The following PDZRN4 variants were observed in gnomAD, a reference collection of about 807,000 sequenced individuals.
PDZRN4 encodes PDZ domain containing ring finger 4.
A neutral mutation model predicts 99.0 loss-of-function variants in PDZRN4; 70 were observed. The ratio of observed to expected loss-of-function variants is 0.71; its 90% CI spans 0.58 to 0.86. The LOEUF is 0.86. Ranked by LOEUF, PDZRN4 falls within the 40% of genes least tolerant of loss-of-function variation. The probability of loss-of-function intolerance (pLI) is 0.00; values close to 1 mark genes in which losing one functional copy is unlikely to be tolerated. For synonymous variants in PDZRN4, 551 were observed against 501.6 expected (o/e 1.10, Z -1.32); for missense variants, 1,474 against 1,331.2 (o/e 1.11, Z -1.67).
intron 3 of PDZRN4, among the ~76,000 whole-genome samples, chr12:41,214,182 G>T (rs1454634512): frequency 2.0e-5 from 3 of 147,352 alleles, no homozygotes; most frequent in Non-Finnish European, 4.5e-5. Context: ...ACTTTGGAAG[G>T]CCAAAGCAGA....
At chr12:41,254,948 G>A (rs181729205) in intron 3 of PDZRN4, among the ~76,000 whole-genome samples, 1 of 152,252 alleles carries the variant, frequency 6.6e-6, no homozygotes, top group East Asian at 1.9e-4. Context: ...AAAAAAATTA[G>A]CCAGGCATGC....
intron 3 of PDZRN4, among the ~76,000 whole-genome samples, chr12:41,285,890 AACTT>A (rs1469437818): frequency 1.3e-5 from 2 of 152,004 alleles, no homozygotes; most frequent in Non-Finnish European, 2.9e-5. Flanking sequence ...TTAGGAGAAA[AACTT>A]AATGTAGATG....
chr12:41,303,060 G>A (rs1183604317), intron 3 of PDZRN4, among the ~76,000 whole-genome samples: 1 of 151,960 alleles, frequency 6.6e-6, no homozygotes, highest in Non-Finnish European at 1.5e-5. Context: ...AGTACTGATA[G>A]AGTGGAGTCA....
chr12:41,573,179 A>G lies in PDZRN4; in HGVS notation c.2400A>G (p.Gln800=), dbSNP rs1463268757. Reference sequence around the variant, plus strand: ...CCACCAAAGCCAAAACCACTGAGCAAGGTTGTAGCGCTGAAAGCAAGGAGA... The same window carrying G: ...CCACCAAAGCCAAAACCACTGAGCAGGGTTGTAGCGCTGAAAGCAAGGAGA... ...STSTKAKTTE[Q]GCSAESKEKV... The change falls in exon 10 of 10, where the codon CAA becomes CAG. Residue 800 remains glutamine (Q), a synonymous_variant. Coordinates refer to ENST00000402685, the MANE Select transcript of PDZRN4 (RefSeq NM_001164595.2). 5.0e-6 allele frequency: 8 copies of G among 1,614,154 alleles called. No individual in the cohort carries two copies. Among genetic ancestry groups the G allele is most frequent in the Non-Finnish European group, 5.9e-6 (7 of 1,180,022 alleles).
At chr12:41,571,471 A>T (rs140440239) in intron 9 of PDZRN4, among the ~76,000 whole-genome samples, 10 of 151,594 alleles carry the variant, frequency 6.6e-5, no homozygotes, top group African/African-American at 2.4e-4. Flanking sequence ...TTTTTTTGAT[A>T]TTATGCCCAT....
chr12:41,353,233 AT>A (rs1168454759), intron 3 of PDZRN4, among the ~76,000 whole-genome samples: 1 of 151,986 alleles, frequency 6.6e-6, no homozygotes, highest in African/African-American at 2.4e-5. Flanking sequence ...TAATGGGTTG[AT>A]GGTTTTATTA....
At chr12:41,512,164 T>C (rs1053685736) in intron 5 of PDZRN4, among the ~76,000 whole-genome samples, 4 of 152,128 alleles carry the variant, frequency 2.6e-5, no homozygotes, top group Non-Finnish European at 5.9e-5. Context: ...TCCTTTTTCA[T>C]CTGCTTTCAT....
At chr12:41,495,400 G>A (rs1453145913) in intron 3 of PDZRN4, among the ~76,000 whole-genome samples, 2 of 152,022 alleles carry the variant, frequency 1.3e-5, no homozygotes, top group African/African-American at 2.4e-5. Context: ...TAATTGATGG[G>A]AATAGATACC....
intron 3 of PDZRN4, among the ~76,000 whole-genome samples, chr12:41,410,760 G>A (rs1952392165): frequency 6.6e-6 from 1 of 152,154 alleles, no homozygotes; most frequent in Admixed American, 6.5e-5. Context: ...CTGTTGTCAG[G>A]ATGAAATTAC....
At chr12:41,384,879 C>T (rs1292133806) in intron 3 of PDZRN4, among the ~76,000 whole-genome samples, 1 of 152,184 alleles carries the variant, frequency 6.6e-6, no homozygotes, top group Non-Finnish European at 1.5e-5. Context: ...GTATGCTAAA[C>T]ACTTGGAATC....
intron 3 of PDZRN4, among the ~76,000 whole-genome samples, chr12:41,459,161 A>C (rs1048581876): frequency 5.9e-5 from 9 of 152,220 alleles, no homozygotes; most frequent in Non-Finnish European, 1.0e-4. Flanking sequence ...TAATGTCAGC[A>C]CATTCCAGGT....
intron 3 of PDZRN4, among the ~76,000 whole-genome samples, chr12:41,276,825 T>C (rs1042982235): frequency 6.6e-5 from 10 of 152,196 alleles, no homozygotes; most frequent in African/African-American, 2.4e-4. Context: ...TTATTATCTA[T>C]CTATGGTCAG....
At chr12:41,551,343 C>A (rs942155026) in intron 5 of PDZRN4, among the ~76,000 whole-genome samples, 1 of 152,086 alleles carries the variant, frequency 6.6e-6, no homozygotes, top group Non-Finnish European at 1.5e-5. Context: ...AAAGTCCCCA[C>A]CTCCTTGGTA....
intron 3 of PDZRN4, among the ~76,000 whole-genome samples, chr12:41,250,890 A>G (rs1321384662): frequency 6.6e-6 from 1 of 152,216 alleles, no homozygotes; most frequent in African/African-American, 2.4e-5. Context: ...TGCCTTGAGT[A>G]TCACAAAGAA....
chr12:41,571,420 C>T (rs1318617406), intron 9 of PDZRN4, among the ~76,000 whole-genome samples: 1 of 144,410 alleles, frequency 6.9e-6, no homozygotes, highest in African/African-American at 2.5e-5. Flanking sequence ...CATAAACATA[C>T]ATGCATGCCT....
At chr12:41,233,445 C>A (rs1295278299) in intron 3 of PDZRN4, among the ~76,000 whole-genome samples, 2 of 152,074 alleles carry the variant, frequency 1.3e-5, no homozygotes, top group African/African-American at 4.8e-5. Context: ...TGGGTATATA[C>A]CCAAAGGATT....
At chr12:41,557,427 G>A (rs991672216) in intron 7 of PDZRN4, among the ~76,000 whole-genome samples, 7 of 152,054 alleles carry the variant, frequency 4.6e-5, no homozygotes, top group African/African-American at 1.4e-4. Context: ...TTTGGAATCC[G>A]AAAACCAGGG....
chr12:41,310,870 G>T (rs1396869173), intron 3 of PDZRN4, among the ~76,000 whole-genome samples: 1 of 151,954 alleles, frequency 6.6e-6, no homozygotes, highest in Non-Finnish European at 1.5e-5. Flanking sequence ...AGGGTTTTTT[G>T]TATGTTCGTA....
intron 3 of PDZRN4, among the ~76,000 whole-genome samples, chr12:41,199,509 A>T (rs1182731971): frequency 6.6e-6 from 1 of 152,204 alleles, no homozygotes; most frequent in Non-Finnish European, 1.5e-5. Context: ...ACTACTGGGT[A>T]TCTACCCAAA....
Sources: allele counts gnomAD v4.1 joint callset (sites outside exome capture counted in the v4.1 genomes callset), GRCh38; gene constraint gnomAD v4.1.1; transcripts MANE v1.5; gene names NCBI Gene and HGNC (gene_info 2026-07-23, HGNC 2026-07-21).